The following ADAM32 variants were observed in gnomAD, a reference collection of about 807,000 sequenced individuals.
The protein encoded by ADAM32 is disintegrin and metalloproteinase domain-containing protein 32.
A neutral mutation model predicts 114.9 loss-of-function variants in ADAM32; 89 were observed. The observed-to-expected ratio is 0.77, with a 90% CI of 0.65 to 0.92. ADAM32 has a LOEUF of 0.92. Among genes scored for constraint, ADAM32 ranks in the 40% least tolerant of loss-of-function variants. The pLI is 0.00. For synonymous variants in ADAM32, 285 were observed against 307.5 expected, an observed-to-expected ratio of 0.93 and a Z score of 0.77; for missense variants, 870 against 932.8, an observed-to-expected ratio of 0.93 and a Z score of 0.88.
chr8:39,132,508 A>G (rs1315136633), intron 2 of ADAM32, among the ~76,000 whole-genome samples: 2 of 152,228 alleles, frequency 1.3e-5, no homozygotes, highest in African/African-American at 4.8e-5. Flanking sequence ...CCAACTATAT[A>G]TCATCATAAT....
At position 39,129,402 on chromosome 8, in the gene ADAM32, T is replaced by C. The variant is rs185121332; in HGVS notation, c.139-7255T>C. Among the ~76,000 whole-genome samples, 7 of 152,262 alleles carry C rather than the reference T, an allele frequency of 4.6e-5. No individual in the cohort carries two copies. The East Asian group carries it at 9.6e-4, about 21-fold the overall frequency. On this transcript the variant is annotated intron_variant, in intron 2 of 24. Transcript: ENST00000379907. ...CCCTTCTATTCCAAATTTGTCAAAT[T>C]TTATTGTAAACGTTTATTGGGGTTT...
At chr8:39,148,117 T>G (rs1803616301) in intron 4 of ADAM32, among the ~76,000 whole-genome samples, 1 of 152,056 alleles carries the variant, frequency 6.6e-6, no homozygotes, top group Non-Finnish European at 1.5e-5. Flanking sequence ...TTGATCCTGT[T>G]AAGACATAGT....
Position 39,232,120 on chromosome 8 carries a change from T to G in ADAM32, c.1619T>G (p.Val540Gly). ...NCGRDRNNKY[V>G]FCGWRNLICG... is the part of the protein sequence containing the mutation. The stretch of plus-strand genomic sequence containing the variant: ...GGTAGGGATAGAAATAACAAATATG[T>G]GTTCTGTGGATGGAGGTATGCTCTA... Residue 540 changes from valine to glycine, a missense_variant, in exon 15 of 25, where the codon GTG becomes GGG. Coordinates refer to ENST00000379907, the MANE Select transcript of ADAM32 (RefSeq NM_145004.7). The G allele has an allele frequency of 6.2e-7, 1 of 1,600,752 alleles. No homozygotes were observed. The highest frequency in any genetic ancestry group is 2.2e-5 in the East Asian group (1 of 44,732).
intron 12 of ADAM32, among the ~76,000 whole-genome samples, chr8:39,219,109 A>G (rs1041014565): frequency 6.6e-6 from 1 of 151,998 alleles, no homozygotes; most frequent in Non-Finnish European, 1.5e-5. Flanking sequence ...GCCCTATCTT[A>G]TTGTGGCTGA....
chr8:39,181,322 T>TAAGAACTGTAAC (rs1402168934), intron 10 of ADAM32, among the ~76,000 whole-genome samples: 1 of 152,070 alleles, frequency 6.6e-6, no homozygotes, highest in African/African-American at 2.4e-5. Context: ...CGTGCCGTCT[T>TAAGAACTGTAAC]AAGAACTGTA....
At chr8:39,191,909 CTT>C (rs1806639094) in intron 11 of ADAM32, among the ~76,000 whole-genome samples, 2 of 152,092 alleles carry the variant, frequency 1.3e-5, no homozygotes, top group Admixed American at 1.3e-4. Flanking sequence ...TTTAATCAAT[CTT>C]GAGTTGATTT....
At position 39,160,896 on chromosome 8, in the gene ADAM32, G is replaced by A; in HGVS notation, c.526-1G>A. 1 of 1,584,404 alleles carries A rather than the reference G, an allele frequency of 6.3e-7. No homozygotes were observed. The highest frequency in any genetic ancestry group is 8.6e-7 in the Non-Finnish European group (1 of 1,167,028). ...TTATATGCTGTTTTCCTTTTTTCTAGTCAGAACCAGCTGTTCCAGATTTAT... is the reference window on the plus strand; with the variant it reads ...TTATATGCTGTTTTCCTTTTTTCTAATCAGAACCAGCTGTTCCAGATTTAT... On this transcript the variant is annotated splice_acceptor_variant, in intron 6 of 24. Coordinates refer to ENST00000379907, the MANE Select transcript of ADAM32 (RefSeq NM_145004.7). LOFTEE classifies it high-confidence loss of function.
intron 17 of ADAM32, among the ~76,000 whole-genome samples, chr8:39,252,952 G>A (rs889980961): frequency 1.3e-4 from 19 of 151,564 alleles, no homozygotes; most frequent in Non-Finnish European, 2.1e-4. Flanking sequence ...GGACTAGGGG[G>A]CTTCACAAAT....
intron 1 of ADAM32, among the ~76,000 whole-genome samples, chr8:39,115,795 T>C (rs908119067): frequency 3.3e-5 from 5 of 152,204 alleles, no homozygotes; most frequent in African/African-American, 1.2e-4. Context: ...TTTTGGAGTC[T>C]TCATCATGAA....
chr8:39,163,154 C>T (rs938355565), intron 7 of ADAM32, among the ~76,000 whole-genome samples: 2 of 152,136 alleles, frequency 1.3e-5, no homozygotes, highest in Non-Finnish European at 2.9e-5. Context: ...ATAATGGAGA[C>T]AGACATGGAA....
chr8:39,125,442 T>C (rs1802056551), intron 2 of ADAM32, among the ~76,000 whole-genome samples: 1 of 152,232 alleles, frequency 6.6e-6, no homozygotes, highest in Non-Finnish European at 1.5e-5. Context: ...AGAGGAATTT[T>C]GCCTCAGGAT....
intron 11 of ADAM32, among the ~76,000 whole-genome samples, chr8:39,208,228 T>A (rs1807975006): frequency 6.6e-6 from 1 of 152,190 alleles, no homozygotes; most frequent in Non-Finnish European, 1.5e-5. Flanking sequence ...TTTTATAGTG[T>A]GTAATTTTTT....
rs931987035 is a variant in ADAM32, at chr8:39,234,092, T to A, written c.1818+10T>A. 3.8e-6 allele frequency: 5 copies of A among 1,321,790 alleles called. No homozygotes were observed. In the African/African-American group the frequency reaches 6.1e-5, roughly 16 times the overall value. The allele number at this position is 1,321,790 out of a possible 1,614,324, so 81.9% of individuals were successfully genotyped here. A position where few individuals can be genotyped will look rare whatever the true frequency, so the allele number is the denominator to read the frequency against. On this transcript the variant is annotated intron_variant, in intron 16 of 24. Transcript: ENST00000379907. ...GTGTGATATTGGGAGGGTAAATAATTTAAAATCTATTTAAAAAATATAGTT... is the reference window on the plus strand; with the variant it reads ...GTGTGATATTGGGAGGGTAAATAATATAAAATCTATTTAAAAAATATAGTT...
intron 12 of ADAM32, among the ~76,000 whole-genome samples, chr8:39,219,891 G>C (rs1011828944): frequency 2.0e-5 from 3 of 152,172 alleles, no homozygotes; most frequent in Admixed American, 6.5e-5. Context: ...TATGTTCTGT[G>C]CACGGCTAAG....
intron 13 of ADAM32, 96 bp from the exon 14 acceptor site, chr8:39,222,944 C>A: frequency 9.7e-7 from 1 of 1,035,782 alleles, no homozygotes; most frequent in Non-Finnish European, 1.4e-6. Flanking sequence ...AATGGATAGA[C>A]TAAAGCGAAA....
chr8:39,126,916 A>T (rs111644522), intron 2 of ADAM32, among the ~76,000 whole-genome samples: 1 of 152,318 alleles, frequency 6.6e-6, no homozygotes, highest in Non-Finnish European at 1.5e-5. Context: ...TTCTGCATCT[A>T]TTGAGATAAT....
At chr8:39,185,629 A>G (rs751178460) in intron 10 of ADAM32, among the ~76,000 whole-genome samples, 1 of 152,206 alleles carries the variant, frequency 6.6e-6, no homozygotes, top group African/African-American at 2.4e-5. Flanking sequence ...AATTTCAGTT[A>G]ACATGACTCC....
chr8:39,199,984 G>T (rs529368195), intron 11 of ADAM32, among the ~76,000 whole-genome samples: 13 of 152,270 alleles, frequency 8.5e-5, no homozygotes, highest in African/African-American at 3.1e-4. Flanking sequence ...GTATTCCATG[G>T]TGTATATGTG....
At chr8:39,154,927 C>A (rs368472924) in intron 6 of ADAM32, among the ~76,000 whole-genome samples, 1 of 149,826 alleles carries the variant, frequency 6.7e-6, no homozygotes. Context: ...TTTGTAGATT[C>A]TGGATATTAG....
Sources: allele counts gnomAD v4.1 joint callset (sites outside exome capture counted in the v4.1 genomes callset), GRCh38; gene constraint gnomAD v4.1.1; transcripts MANE v1.5; gene names NCBI Gene and HGNC (gene_info 2026-07-23, HGNC 2026-07-21).